MIR2052HG: variants seen among roughly 807,000 people sequenced by gnomAD.
The protein encoded by MIR2052HG is MIR2052 host gene.
chr8:74,719,645 G>A (rs1415624183), intron 4 of MIR2052HG, among the ~76,000 whole-genome samples: 3 of 151,950 alleles, frequency 2.0e-5, no homozygotes, highest in Non-Finnish European at 4.4e-5. Flanking sequence ...CCACTTAATA[G>A]TAACTACTTG....
chr8:74,621,645 G>C (rs1008794989), intron 2 of MIR2052HG, among the ~76,000 whole-genome samples: 1 of 152,160 alleles, frequency 6.6e-6, no homozygotes, highest in Admixed American at 6.5e-5. Flanking sequence ...CAGCCACAAT[G>C]ATTCAATTGT....
intron 2 of MIR2052HG, chr8:74,628,872 G>A (rs1162448652): frequency 6.9e-6 from 1 of 145,240 alleles, no homozygotes; most frequent in Non-Finnish European, 1.5e-5. Context: ...GGCCCAGGAA[G>A]CAGAAAATTG....
chr8:74,638,503 C>T (rs949101844), intron 2 of MIR2052HG, among the ~76,000 whole-genome samples: 3 of 152,060 alleles, frequency 2.0e-5, no homozygotes, highest in African/African-American at 7.2e-5. Context: ...CTTGCAATTG[C>T]TCAGGTGAAA....
chr8:74,637,223 C>T (rs1056647070), intron 2 of MIR2052HG, among the ~76,000 whole-genome samples: 21 of 152,080 alleles, frequency 1.4e-4, no homozygotes, highest in African/African-American at 4.8e-4. Context: ...GATGGAAGGA[C>T]TACATGTCAG....
At chr8:74,622,595 C>A (rs1204823768) in intron 2 of MIR2052HG, among the ~76,000 whole-genome samples, 2 of 151,588 alleles carry the variant, frequency 1.3e-5, no homozygotes, top group East Asian at 3.9e-4. Context: ...CAGAGTGAGA[C>A]CCTGTCTCAA....
chr8:74,604,897 TC>T (rs1159732304), intron 1 of MIR2052HG, among the ~76,000 whole-genome samples: 1 of 151,148 alleles, frequency 6.6e-6, no homozygotes, highest in Non-Finnish European at 1.5e-5. Flanking sequence ...CCCGGCCGTT[TC>T]TTTACTTCTT....
chr8:74,655,206 G>A (rs987910743), intron 2 of MIR2052HG, among the ~76,000 whole-genome samples: 1 of 152,166 alleles, frequency 6.6e-6, no homozygotes, highest in Non-Finnish European at 1.5e-5. Context: ...AAAATTTGCA[G>A]CCTGATGATG....
intron 2 of MIR2052HG, among the ~76,000 whole-genome samples, chr8:74,637,715 A>G (rs963276921): frequency 4.6e-5 from 7 of 152,142 alleles, no homozygotes; most frequent in Admixed American, 1.3e-4. Flanking sequence ...GTTGCTTTGT[A>G]AGTGGGACCT....
chr8:74,679,427 T>A (rs1809094314), intron 2 of MIR2052HG, among the ~76,000 whole-genome samples: 1 of 152,088 alleles, frequency 6.6e-6, no homozygotes, highest in East Asian at 1.9e-4. Context: ...CATTATTTCA[T>A]TCCTTTTTAT....
intron 5 of MIR2052HG, among the ~76,000 whole-genome samples, chr8:74,754,669 G>A (rs2128757046): frequency 6.6e-6 from 1 of 152,302 alleles, no homozygotes; most frequent in Middle Eastern, 3.4e-3. Context: ...ATGAAGGCGA[G>A]AAAGAGAACT....
At chr8:74,673,586 C>T (rs1809016222) in intron 2 of MIR2052HG, among the ~76,000 whole-genome samples, 1 of 151,882 alleles carries the variant, frequency 6.6e-6, no homozygotes, top group Non-Finnish European at 1.5e-5. Flanking sequence ...TGTATCTAGG[C>T]TAAAAGCAGG....
At chr8:74,738,005 TG>T (rs1440376265) in intron 4 of MIR2052HG, among the ~76,000 whole-genome samples, 3 of 152,166 alleles carry the variant, frequency 2.0e-5, no homozygotes, top group Non-Finnish European at 4.4e-5. Context: ...TATGTATGTA[TG>T]TGTTATCTAT....
At chr8:74,646,687 G>A (rs1029799903) in intron 2 of MIR2052HG, among the ~76,000 whole-genome samples, 1 of 152,186 alleles carries the variant, frequency 6.6e-6, no homozygotes, top group Admixed American at 6.5e-5. Context: ...ACTTAGGGGA[G>A]TCAAAGCAGA....
rs1168272807 is a variant in MIR2052HG at position 74,602,866 on chromosome 8, TTTCTTTC to T, written n.128+2961_128+2967del. ...CTTTCTTTCTTTCTTTCTTTCTTTC[TTTCTTTC>T]TTTTTTCTATTCACAAAGAAAAAGC... On this transcript the variant is annotated intron_variant and non_coding_transcript_variant, in intron 1 of 6. Transcript: ENST00000523442. Among the ~76,000 whole-genome samples the T allele has an allele frequency of 3.6e-5, 5 of 139,394 alleles. 1 individual carries two copies. The highest frequency in any genetic ancestry group is 8.1e-5 in the African/African-American group (3 of 37,218). The allele number at this position is 139,394 out of a possible 152,430, so 91.4% of individuals were successfully genotyped here. A position where few individuals can be genotyped will look rare whatever the true frequency, so the allele number is the denominator to read the frequency against.
intron 4 of MIR2052HG, among the ~76,000 whole-genome samples, chr8:74,736,531 G>C (rs1809746165): frequency 6.6e-6 from 1 of 152,186 alleles, no homozygotes. Flanking sequence ...TTAGCTCTGA[G>C]TAAAGGGAGT....
intron 2 of MIR2052HG, among the ~76,000 whole-genome samples, chr8:74,620,690 G>A (rs1055152288): frequency 1.3e-5 from 2 of 152,250 alleles, no homozygotes; most frequent in African/African-American, 4.8e-5. Flanking sequence ...GCTGCACAGA[G>A]CAGAGTGGCC....
intron 2 of MIR2052HG, among the ~76,000 whole-genome samples, chr8:74,676,193 A>T (rs1019862080): frequency 6.6e-6 from 1 of 152,098 alleles, no homozygotes; most frequent in African/African-American, 2.4e-5. Flanking sequence ...CTAAAGGAAC[A>T]TCTAAAGCAA....
intron 2 of MIR2052HG, among the ~76,000 whole-genome samples, chr8:74,626,914 A>G (rs1488274999): frequency 6.6e-6 from 1 of 152,236 alleles, no homozygotes; most frequent in Non-Finnish European, 1.5e-5. Context: ...TTTTCTTAGG[A>G]AAAAGAACAG....
At chr8:74,612,208 C>T (rs757616530) in intron 1 of MIR2052HG, among the ~76,000 whole-genome samples, 43 of 152,202 alleles carry the variant, frequency 2.8e-4, no homozygotes, top group Non-Finnish European at 5.9e-4. Flanking sequence ...TCACAATGTT[C>T]CATTCCCAGC....
Sources: gnomAD v4.1 joint callset for allele counts (sites outside exome capture counted in the v4.1 genomes callset) on GRCh38, gnomAD v4.1.1 for gene constraint, MANE v1.5 for transcripts, NCBI Gene and HGNC (gene_info 2026-07-23, HGNC 2026-07-21) for gene names.